Variants in GAB4 observed in about 807,000 individuals in gnomAD.
GAB4 encodes the protein GRB2-associated-binding protein 4.
In GAB4, 26 loss-of-function variants were observed where a neutral mutation model predicts 51.3. The observed-to-expected ratio is 0.51, with a 90% CI of 0.37 to 0.70. GAB4 has a LOEUF of 0.70. GAB4 is among the 30% of genes least tolerant of loss of function. The pLI is 0.00. For synonymous variants in GAB4, 329 were observed against 291.2 expected, an observed-to-expected ratio of 1.13 and a Z score of -1.32; for missense variants, 759 against 734.6, an observed-to-expected ratio of 1.03 and a Z score of -0.38.
At chr22:16,990,863 G>C (rs929532764) in intron 2 of GAB4, among the ~76,000 whole-genome samples, 8 of 152,078 alleles carry the variant, frequency 5.3e-5, no homozygotes, top group African/African-American at 1.9e-4. Flanking sequence ...AGTCTGGAGT[G>C]GGGTGCAGAC....
intron 2 of GAB4, among the ~76,000 whole-genome samples, chr22:16,991,216 C>G (rs764791865): frequency 2.8e-4 from 42 of 151,698 alleles, no homozygotes; most frequent in Non-Finnish European, 5.4e-4. Context: ...TCACTTGGCA[C>G]AGGTCCTTGG....
At chr22:17,006,932 C>T (rs1393781135) in intron 1 of GAB4, among the ~76,000 whole-genome samples, 2 of 152,080 alleles carry the variant, frequency 1.3e-5, no homozygotes, top group African/African-American at 4.8e-5. Flanking sequence ...GTGCAGCAAA[C>T]CACCATGACA....
chr22:16,973,688 C>G (rs2060753037), intron 3 of GAB4, among the ~76,000 whole-genome samples: 1 of 152,238 alleles, frequency 6.6e-6, no homozygotes, highest in Non-Finnish European at 1.5e-5. Context: ...GCATACCCTT[C>G]TCTGTGCCCC....
At chr22:16,989,968 C>T (rs1435108563) in intron 2 of GAB4, among the ~76,000 whole-genome samples, 1 of 152,198 alleles carries the variant, frequency 6.6e-6, no homozygotes, top group Non-Finnish European at 1.5e-5. Context: ...AGACACCCCA[C>T]AAGCAGGTGT....
Position 16,965,339 on chromosome 22 carries a change from C to T in GAB4, c.1289-71G>A. The T allele has an allele frequency of 4.0e-6, 5 of 1,262,764 alleles. No homozygotes were observed. In the South Asian group the frequency reaches 4.9e-5, roughly 12 times the overall value. 78.2% of individuals were successfully genotyped at this position (1,262,764 alleles called of 1,614,324 possible). A position where few individuals can be genotyped will look rare whatever the true frequency, so the allele number is the denominator to read the frequency against. The stretch of plus-strand genomic sequence containing the variant: ...ACCCATGTCCACTTTGCTACAAGGC[C>T]CAGGTGTGCTTAGAAAGGCCCACCC... On this transcript the variant is annotated intron_variant, in intron 6 of 9. Transcript: ENST00000400588.
chr22:16,971,514 T>C (rs149416188), intron 3 of GAB4, among the ~76,000 whole-genome samples: 2 of 152,326 alleles, frequency 1.3e-5, no homozygotes, highest in Non-Finnish European at 2.9e-5. Flanking sequence ...TCCCTATCTT[T>C]TATATTATTA....
chr22:16,964,560 A>G (rs2060655270), intron 8 of GAB4, among the ~76,000 whole-genome samples: 2 of 152,078 alleles, frequency 1.3e-5, no homozygotes, highest in Admixed American at 1.3e-4. Flanking sequence ...CAAGTTCCAG[A>G]CTTCCTTGAG....
intron 3 of GAB4, among the ~76,000 whole-genome samples, chr22:16,974,056 CCAA>C (rs112483967): frequency 0.022 from 3,360 of 152,318 alleles, 59 homozygotes; most frequent in Middle Eastern, 0.068. Flanking sequence ...GAGCACTGTG[CCAA>C]CAACACCCAG....
At chr22:17,000,010 T>A (rs2060984319) in intron 1 of GAB4, among the ~76,000 whole-genome samples, 2 of 152,158 alleles carry the variant, frequency 1.3e-5, no homozygotes, top group Admixed American at 6.5e-5. Context: ...GAGACATGGT[T>A]TGTTATCATT....
intron 1 of GAB4, among the ~76,000 whole-genome samples, chr22:17,003,615 AT>A (rs1252549671): frequency 6.6e-6 from 1 of 152,102 alleles, no homozygotes; most frequent in African/African-American, 2.4e-5. Context: ...AGAAATAAAG[AT>A]TTTTTTTAAA....
rs184271576 is a variant in GAB4, at chr22:16,997,346, T to A, written c.175-5170A>T. ...TTAATGACTGCCATTCTAACTGGTA[T>A]GAGATGGTATCTCCTTGTGGTTTTG... On this transcript the variant is annotated intron_variant, in intron 1 of 9. Coordinates refer to ENST00000400588, the MANE Select transcript of GAB4 (RefSeq NM_001037814.1). Among the ~76,000 whole-genome samples, 871 of 152,374 alleles carry A rather than the reference T, an allele frequency of 5.7e-3. 10 individuals are homozygous for A. The highest frequency in any genetic ancestry group is 7.6e-3 in the Non-Finnish European group (515 of 68,028).
At chr22:16,970,235 G>T in intron 3 of GAB4, 42 bp from the exon 4 acceptor site, 1 of 1,607,932 alleles carries the variant, frequency 6.2e-7, no homozygotes. Flanking sequence ...GTGAGAGGAG[G>T]CCAGGACTGC....
At chr22:16,963,878 C>T in intron 8 of GAB4, 49 bp from the exon 9 acceptor site, 1 of 1,450,824 alleles carries the variant, frequency 6.9e-7, no homozygotes, top group Non-Finnish European at 9.6e-7. Context: ...GGACACAGAC[C>T]CAGCACCCAG....
At chr22:16,968,183 C>A in intron 5 of GAB4, 115 bp downstream of exon 5, 1 of 745,590 alleles carries the variant, frequency 1.3e-6, no homozygotes. Context: ...AGAACCTAGG[C>A]AGCCTCCTAG....
At chr22:16,966,495 G>T in intron 5 of GAB4, 131 bp from the exon 6 acceptor site, 2 of 926,066 alleles carry the variant, frequency 2.2e-6, no homozygotes, top group Non-Finnish European at 3.2e-6. Context: ...CCTTGGCTGG[G>T]GGCTGCTGTC....
At chr22:17,006,889 G>A (rs905547569) in intron 1 of GAB4, among the ~76,000 whole-genome samples, 7 of 152,106 alleles carry the variant, frequency 4.6e-5, no homozygotes, top group Non-Finnish European at 7.4e-5. Context: ...ATAGCATTAC[G>A]AGAAATACCT....
At chr22:16,966,048 C>G in intron 6 of GAB4, 52 bp downstream of exon 6, 1 of 1,559,140 alleles carries the variant, frequency 6.4e-7, no homozygotes, top group South Asian at 1.1e-5. Flanking sequence ...GACACCTAAG[C>G]GAATGCAGAG....
chr22:17,000,839 G>A (rs1352251708), intron 1 of GAB4, among the ~76,000 whole-genome samples: 1 of 152,158 alleles, frequency 6.6e-6, no homozygotes, highest in Non-Finnish European at 1.5e-5. Context: ...GCCTGGTGGT[G>A]ACAAAATCAC....
chr22:16,983,039 A>C (rs558970967), intron 3 of GAB4, among the ~76,000 whole-genome samples: 1 of 152,308 alleles, frequency 6.6e-6, no homozygotes, highest in South Asian at 2.1e-4. Flanking sequence ...TAGCATTCCC[A>C]GGATCACAGG....
Sources: gnomAD v4.1 joint callset for allele counts (sites outside exome capture counted in the v4.1 genomes callset) on GRCh38, gnomAD v4.1.1 for gene constraint, MANE v1.5 for transcripts, NCBI Gene and HGNC (gene_info 2026-07-23, HGNC 2026-07-21) for gene names.